DGKB: variants seen among roughly 807,000 people sequenced by gnomAD.
DGKB encodes the protein 90 kDa diacylglycerol kinase.
In DGKB, 67 loss-of-function variants were observed where a neutral mutation model predicts 114.3. The observed-to-expected ratio is 0.59, with a 90% CI of 0.48 to 0.72. The LOEUF is 0.72. Among genes scored for constraint, DGKB ranks in the 30% least tolerant of loss-of-function variants. DGKB has a pLI of 0.00. For synonymous variants in DGKB, 398 were observed against 323.1 expected, an observed-to-expected ratio of 1.23 and a Z score of -2.49; for missense variants, 907 against 975.2, an observed-to-expected ratio of 0.93 and a Z score of 0.93.
intron 23 of DGKB, among the ~76,000 whole-genome samples, chr7:14,205,379 C>T (rs1786608013): frequency 6.6e-6 from 1 of 151,774 alleles, no homozygotes; most frequent in African/African-American, 2.4e-5. Flanking sequence ...CAGAATCTTT[C>T]CTATCTCTTT....
At chr7:14,816,549 T>C (rs12699667) in intron 2 of DGKB, 42,496 of 152,118 alleles carry the variant, frequency 0.28, 7,167 homozygotes, top group Non-Finnish European at 0.37. Context: ...ATAAAGAGCA[T>C]GGATTATGGA....
intron 1 of DGKB, among the ~76,000 whole-genome samples, chr7:14,942,921 T>C (rs1785650878): frequency 6.6e-6 from 1 of 151,964 alleles, no homozygotes; most frequent in Non-Finnish European, 1.5e-5. Context: ...TAGCATTATA[T>C]GTGATTTTTT....
intron 2 of DGKB, among the ~76,000 whole-genome samples, chr7:14,825,597 G>C (rs1209937524): frequency 6.6e-6 from 1 of 152,102 alleles, no homozygotes; most frequent in Non-Finnish European, 1.5e-5. Context: ...TAATGCAAGC[G>C]ATGGCGAGTG....
chr7:14,870,302 A>G (rs984856817), intron 1 of DGKB, among the ~76,000 whole-genome samples: 1 of 152,182 alleles, frequency 6.6e-6, no homozygotes, highest in Non-Finnish European at 1.5e-5. Flanking sequence ...TTATGTGCTC[A>G]AACGATATTG....
intron 12 of DGKB, among the ~76,000 whole-genome samples, chr7:14,677,467 C>T (rs1014114447): frequency 6.6e-6 from 1 of 151,766 alleles, no homozygotes; most frequent in East Asian, 1.9e-4. Context: ...GCATTGGAAA[C>T]CTTTAAACAT....
intron 23 of DGKB, among the ~76,000 whole-genome samples, chr7:14,313,518 C>T (rs1232641476): frequency 3.9e-5 from 6 of 152,100 alleles, no homozygotes; most frequent in South Asian, 2.1e-4. Context: ...TGACGGACGG[C>T]ACCTGGAAAA....
chr7:14,369,385 G>A (rs1376803983), intron 21 of DGKB, among the ~76,000 whole-genome samples: 1 of 152,126 alleles, frequency 6.6e-6, no homozygotes, highest in Non-Finnish European at 1.5e-5. Flanking sequence ...AAACATATGT[G>A]TGCATGTGTG....
At chr7:14,381,775 T>C (rs1039007913) in intron 21 of DGKB, among the ~76,000 whole-genome samples, 1 of 152,152 alleles carries the variant, frequency 6.6e-6, no homozygotes, top group African/African-American at 2.4e-5. Flanking sequence ...GTGCCCAGCT[T>C]CCTCCTGTCT....
intron 23 of DGKB, among the ~76,000 whole-genome samples, chr7:14,254,649 A>G (rs575492009): frequency 6.6e-6 from 1 of 152,324 alleles, no homozygotes; most frequent in East Asian, 1.9e-4. Context: ...ATATACATAC[A>G]TAGAGTACTT....
intron 21 of DGKB, among the ~76,000 whole-genome samples, chr7:14,373,613 G>C (rs190706756): frequency 6.6e-6 from 1 of 152,224 alleles, no homozygotes; most frequent in African/African-American, 2.4e-5. Flanking sequence ...CCATGAAAAA[G>C]AAAGGGAAGG....
chr7:14,790,179 T>C (rs1427724743), intron 2 of DGKB, among the ~76,000 whole-genome samples: 1 of 152,240 alleles, frequency 6.6e-6, no homozygotes, highest in Non-Finnish European at 1.5e-5. Context: ...GTTCATTATA[T>C]ATTTTACATG....
At chr7:14,166,686 G>A (rs1484133615) in intron 25 of DGKB, among the ~76,000 whole-genome samples, 1 of 152,100 alleles carries the variant, frequency 6.6e-6, no homozygotes, top group African/African-American at 2.4e-5. Context: ...ATAATAAAAG[G>A]CAAATTGGGG....
intron 2 of DGKB, among the ~76,000 whole-genome samples, chr7:14,767,507 G>A (rs1055265412): frequency 1.3e-5 from 2 of 151,806 alleles, no homozygotes; most frequent in African/African-American, 4.8e-5. Flanking sequence ...GTGCCATCAG[G>A]CTTAAGCTAA....
intron 20 of DGKB, among the ~76,000 whole-genome samples, chr7:14,537,105 T>C (rs1202462210): frequency 6.6e-6 from 1 of 151,866 alleles, no homozygotes; most frequent in Non-Finnish European, 1.5e-5. Context: ...AGAATAAATA[T>C]AACCAAGAAG....
chr7:14,934,444 A>G (rs925460023), intron 1 of DGKB, among the ~76,000 whole-genome samples: 1 of 152,182 alleles, frequency 6.6e-6, no homozygotes, highest in African/African-American at 2.4e-5. Flanking sequence ...GGAGTACTTG[A>G]CATACTATAA....
intron 23 of DGKB, among the ~76,000 whole-genome samples, chr7:14,225,643 G>A (rs1562668552): frequency 6.6e-6 from 1 of 151,954 alleles, no homozygotes; most frequent in Non-Finnish European, 1.5e-5. Context: ...TAACAAGAGT[G>A]ATCGGAATAT....
intron 20 of DGKB, among the ~76,000 whole-genome samples, chr7:14,542,960 G>A (rs558833532): frequency 6.6e-6 from 1 of 152,106 alleles, no homozygotes; most frequent in South Asian, 2.1e-4. Context: ...GGCCAATTAA[G>A]GATTTTGAGA....
chr7:14,260,986 C>G (rs796259354), intron 23 of DGKB, among the ~76,000 whole-genome samples: 10 of 152,230 alleles, frequency 6.6e-5, no homozygotes, highest in African/African-American at 2.4e-4. Flanking sequence ...ATTTTATTCA[C>G]TAAGTGTGTC....
At chr7:14,774,549 TTGA>T (rs1421709304) in intron 2 of DGKB, among the ~76,000 whole-genome samples, 2 of 152,220 alleles carry the variant, frequency 1.3e-5, no homozygotes, top group Non-Finnish European at 2.9e-5. Context: ...GGGTATCTCA[TTGA>T]TGACTTAAAC....
Sources: gnomAD v4.1 joint callset for allele counts (sites outside exome capture counted in the v4.1 genomes callset) on GRCh38, gnomAD v4.1.1 for gene constraint, MANE v1.5 for transcripts, NCBI Gene and HGNC (gene_info 2026-07-23, HGNC 2026-07-21) for gene names.